The following MYRIP variants were observed in gnomAD, a reference collection of about 807,000 sequenced individuals.
MYRIP encodes the protein myosin VIIA and Rab interacting protein.
MYRIP carries 49 observed loss-of-function variants against 98.0 expected under a neutral mutation model. The observed-to-expected ratio is 0.50, with a 90% CI of 0.40 to 0.63. The LOEUF (loss-of-function observed/expected upper bound fraction) is 0.63. MYRIP is among the 30% of genes least tolerant of loss of function. The pLI is 0.00. For synonymous variants in MYRIP, 404 were observed against 409.5 expected (o/e 0.99, Z 0.16); for missense variants, 1,004 against 1,058.2 (o/e 0.95, Z 0.71).
chr3:40,218,610 T>TATATA (rs59924117), intron 11 of MYRIP, among the ~76,000 whole-genome samples: 80 of 5,920 alleles, frequency 0.014, no homozygotes, highest in South Asian at 0.045. Context: ...TATATATATA[T>TATATA]TTTATATATA....
In MYRIP at chr3:40,099,953, G is replaced by A. The variant is rs548104373; in HGVS notation, c.333-51095G>A. ...GCACATGTGTTGATGGATTTTTCTC[G>A]GCATTGGTTGTCTGAGATTTCACAG... On this transcript the variant is annotated intron_variant, in intron 3 of 16. Coordinates refer to ENST00000302541, the MANE Select transcript of MYRIP (RefSeq NM_015460.4). The A allele has an allele frequency of 5.0e-5, 49 of 975,078 alleles. No homozygotes were observed. In the African/African-American group the frequency reaches 5.6e-4, roughly 11 times the overall value. 60.4% of individuals were successfully genotyped at this position (975,078 alleles called of 1,614,324 possible). A position where few individuals can be genotyped will look rare whatever the true frequency, so the allele number is the denominator to read the frequency against.
intron 2 of MYRIP, among the ~76,000 whole-genome samples, chr3:40,043,782 G>T (rs1947601994): frequency 6.6e-6 from 1 of 152,208 alleles, no homozygotes; most frequent in African/African-American, 2.4e-5. Flanking sequence ...GTATCTCAAT[G>T]TAGTCTCTGA....
chr3:40,153,487 G>GC (rs1183315622), intron 4 of MYRIP, among the ~76,000 whole-genome samples: 1 of 151,948 alleles, frequency 6.6e-6, no homozygotes, highest in East Asian at 1.9e-4. Flanking sequence ...CATTAGAATC[G>GC]CCAAGGGCGC....
At chr3:39,948,510 AAAGT>A (rs1209052792) in intron 2 of MYRIP, among the ~76,000 whole-genome samples, 2 of 151,158 alleles carry the variant, frequency 1.3e-5, no homozygotes, top group African/African-American at 4.9e-5. Context: ...AGAACTCATT[AAAGT>A]AAGTAATAAT....
intron 2 of MYRIP, among the ~76,000 whole-genome samples, chr3:39,950,076 T>C (rs1485373192): frequency 2.0e-5 from 3 of 152,224 alleles, no homozygotes; most frequent in African/African-American, 7.2e-5. Flanking sequence ...CTTTTCTATA[T>C]ATGTTCTTAA....
chr3:39,866,477 A>AT (rs1553640437), intron 1 of MYRIP, among the ~76,000 whole-genome samples: 4 of 151,774 alleles, frequency 2.6e-5, no homozygotes, highest in South Asian at 2.1e-4. Context: ...AATAATAAAA[A>AT]ATTTTTTTTT....
At chr3:39,893,116 T>G (rs1943526072) in intron 1 of MYRIP, among the ~76,000 whole-genome samples, 2 of 152,240 alleles carry the variant, frequency 1.3e-5, no homozygotes, top group African/African-American at 2.4e-5. Context: ...GTCTTCTAGA[T>G]TTTTGTAAAT....
intron 5 of MYRIP, among the ~76,000 whole-genome samples, chr3:40,164,295 G>T (rs973679693): frequency 6.6e-6 from 1 of 152,150 alleles, no homozygotes; most frequent in African/African-American, 2.4e-5. Flanking sequence ...TGTATCAGCA[G>T]TGTTCTCCAA....
At chr3:40,166,452 T>C (rs924568092) in intron 5 of MYRIP, among the ~76,000 whole-genome samples, 11 of 152,060 alleles carry the variant, frequency 7.2e-5, no homozygotes, top group African/African-American at 2.7e-4. Flanking sequence ...TGGAGCCTTT[T>C]TGGATGATGA....
chr3:40,112,131 G>T (rs1949169757), intron 3 of MYRIP, among the ~76,000 whole-genome samples: 1 of 152,060 alleles, frequency 6.6e-6, no homozygotes, highest in Admixed American at 6.5e-5. Flanking sequence ...TCCCTGCATT[G>T]CTTCTGTGCA....
chr3:39,994,534 G>A (rs1053707746), intron 2 of MYRIP, among the ~76,000 whole-genome samples: 20 of 152,224 alleles, frequency 1.3e-4, no homozygotes, highest in African/African-American at 4.3e-4. Flanking sequence ...TAAACAAAGT[G>A]GCCGGGAAGC....
intron 2 of MYRIP, among the ~76,000 whole-genome samples, chr3:39,917,990 G>A (rs1055835801): frequency 2.0e-5 from 3 of 150,898 alleles, no homozygotes; most frequent in African/African-American, 4.9e-5. Flanking sequence ...GCAGTGGCGC[G>A]ATCTCGACTC....
At chr3:40,226,308 C>T (rs1477823979) in intron 11 of MYRIP, among the ~76,000 whole-genome samples, 6 of 152,184 alleles carry the variant, frequency 3.9e-5, no homozygotes, top group Admixed American at 3.9e-4. Flanking sequence ...TCAATTTCTT[C>T]CAGATCACCC....
chr3:40,166,969 T>TG (rs757909550), intron 6 of MYRIP, 26 bp downstream of exon 6: 19 of 1,559,960 alleles, frequency 1.2e-5, no homozygotes, highest in Non-Finnish European at 1.7e-5. Flanking sequence ...CTCCTCTCTG[T>TG]GGGGGGAGGT....
chr3:39,992,055 A>G (rs1479211904), intron 2 of MYRIP, among the ~76,000 whole-genome samples: 2 of 152,088 alleles, frequency 1.3e-5, no homozygotes, highest in Non-Finnish European at 2.9e-5. Flanking sequence ...GATTGAACAA[A>G]TTTTCTCTGC....
chr3:39,998,065 A>G (rs990252973), intron 2 of MYRIP, among the ~76,000 whole-genome samples: 1 of 152,194 alleles, frequency 6.6e-6, no homozygotes, highest in African/African-American at 2.4e-5. Context: ...TGACAAACCC[A>G]CAGCCAATAT....
chr3:40,179,679 C>A (rs925790269), intron 8 of MYRIP, among the ~76,000 whole-genome samples: 1 of 152,164 alleles, frequency 6.6e-6, no homozygotes, highest in Non-Finnish European at 1.5e-5. Context: ...CTGTGTCTTA[C>A]AGCCTATAAA....
chr3:39,905,044 G>A (rs367976369), intron 2 of MYRIP, among the ~76,000 whole-genome samples: 181 of 152,274 alleles, frequency 1.2e-3, no homozygotes, highest in African/African-American at 4.0e-3. Flanking sequence ...TAACACTATG[G>A]ATGGAGGATG....
At chr3:40,116,701 G>A (rs1277024940) in intron 3 of MYRIP, among the ~76,000 whole-genome samples, 2 of 152,200 alleles carry the variant, frequency 1.3e-5, no homozygotes, top group Non-Finnish European at 1.5e-5. Flanking sequence ...TTAAGGATAT[G>A]CACAGGGCTA....
Sources: allele counts gnomAD v4.1 joint callset (sites outside exome capture counted in the v4.1 genomes callset), GRCh38; gene constraint gnomAD v4.1.1; transcripts MANE v1.5; gene names NCBI Gene and HGNC (gene_info 2026-07-23, HGNC 2026-07-21).